MYH11: variants seen among roughly 807,000 people sequenced by gnomAD.
MYH11 encodes myosin-11.
In MYH11, 80 loss-of-function variants were observed where a neutral mutation model predicts 246.6. That is an observed-to-expected ratio of 0.32 (90% CI 0.27 to 0.39). The LOEUF (loss-of-function observed/expected upper bound fraction) is 0.39, where lower values mean the gene tolerates loss of function less well. Among genes scored for constraint, MYH11 ranks in the 10% least tolerant of loss-of-function variants. The pLI is 1.00. For missense variants in MYH11, 2,158 were observed against 2,546.8 expected, an observed-to-expected ratio of 0.85 and a Z score of 3.29; for synonymous variants, 1,071 against 1,015.5, an observed-to-expected ratio of 1.05 and a Z score of -1.04.
chr16:15,756,619 GATA>G (rs1197906799), intron 13 of MYH11, 105 bp from the exon 14 acceptor site: 467 of 1,168,876 alleles, frequency 4.0e-4, no homozygotes, highest in Non-Finnish European at 5.4e-4. Flanking sequence ...GCCGAGATCT[GATA>G]CTGTATTTGC....
chr16:15,831,994 C>T (rs2043752791), intron 2 of MYH11, among the ~76,000 whole-genome samples: 1 of 151,952 alleles, frequency 6.6e-6, no homozygotes. Flanking sequence ...GGGCAGCTTC[C>T]AGTTACAGTG....
At chr16:15,848,245 T>C (rs2044247554) in intron 1 of MYH11, among the ~76,000 whole-genome samples, 1 of 150,172 alleles carries the variant, frequency 6.7e-6, no homozygotes, top group Non-Finnish European at 1.5e-5. Flanking sequence ...TTTTTTTTTT[T>C]TTTTTGACAC....
chr16:15,727,108 G>A (rs553543017), intron 27 of MYH11, 54 bp from the exon 28 acceptor site: 282 of 1,547,702 alleles, frequency 1.8e-4, no homozygotes, highest in Non-Finnish European at 1.8e-4. Flanking sequence ...CCGGGAGAAC[G>A]TTTCAGGCCC....
chr16:15,717,533 G>A (rs1037434660), intron 37 of MYH11, 185 bp from the exon 38 acceptor site: 19 of 629,794 alleles, frequency 3.0e-5, no homozygotes, highest in South Asian at 3.9e-5. Flanking sequence ...GGTGGCGCAC[G>A]CCTGTAATCC....
chr16:15,771,777 G>C lies in MYH11; in HGVS notation c.890-65C>G, dbSNP rs797003958. ...ACTTCTAATTTCAACATGAGACCGA[G>C]ATCTGGTCAAGGGTCTGGGCCATCA... On this transcript the variant is annotated intron_variant, in intron 8 of 40. Coordinates refer to ENST00000300036, the MANE Select transcript of MYH11 (RefSeq NM_002474.3). 1.9e-6 allele frequency: 3 copies of C among 1,591,724 alleles called. No homozygotes were observed. The African/African-American group carries it at 4.0e-5, about 21-fold the overall frequency.
intron 4 of MYH11, among the ~76,000 whole-genome samples, chr16:15,794,771 G>C (rs2042704615): frequency 6.6e-6 from 1 of 152,138 alleles, no homozygotes; most frequent in Non-Finnish European, 1.5e-5. Flanking sequence ...GGCCAGGCAG[G>C]GCAAACAGTA....
At chr16:15,847,138 T>C (rs1212102293) in intron 1 of MYH11, among the ~76,000 whole-genome samples, 1 of 152,142 alleles carries the variant, frequency 6.6e-6, no homozygotes, top group Non-Finnish European at 1.5e-5. Flanking sequence ...TATATTGATA[T>C]TCTTGTGCAA....
At chr16:15,853,857 T>C (rs983100636) in intron 1 of MYH11, among the ~76,000 whole-genome samples, 1 of 152,068 alleles carries the variant, frequency 6.6e-6, no homozygotes, top group South Asian at 2.1e-4. Context: ...ACCCCATCTC[T>C]ACTAAAAATA....
At chr16:15,736,924 G>C (rs1006503799) in intron 25 of MYH11, among the ~76,000 whole-genome samples, 1 of 152,150 alleles carries the variant, frequency 6.6e-6, no homozygotes, top group Non-Finnish European at 1.5e-5. Context: ...CTAAGAGCCA[G>C]GAAGAGGGAA....
intron 8 of MYH11, among the ~76,000 whole-genome samples, chr16:15,773,410 G>A (rs1038020916): frequency 4.0e-5 from 6 of 150,202 alleles, no homozygotes; most frequent in South Asian, 2.1e-4. Flanking sequence ...CCTGCCTCTC[G>A]AGTAGCTGGG....
intron 2 of MYH11, among the ~76,000 whole-genome samples, chr16:15,824,237 A>G (rs2633505): frequency 0.45 from 68,530 of 151,514 alleles, 16,335 homozygotes; most frequent in African/African-American, 0.61. Flanking sequence ...CAGTGACGGG[A>G]GCAGTTAAGT....
At chr16:15,766,533 G>A (rs145544389) in intron 9 of MYH11, among the ~76,000 whole-genome samples, 8 of 152,114 alleles carry the variant, frequency 5.3e-5, no homozygotes, top group Admixed American at 2.6e-4. Context: ...CACCACACCC[G>A]GCTAATTTTT....
In MYH11 at chr16:15,824,698, A is replaced by AGGAG. The variant is rs1321045750; in HGVS notation, c.346-1291_346-1288dup. On this transcript the variant is annotated intron_variant, in intron 2 of 40. Transcript: ENST00000300036. Reference sequence around the variant, plus strand: ...AACACAGCTGCCAAAACTGTGGTCCAGGAGGGAGGGAGGAAAAGGTAATAA... The same window carrying AGGAG: ...AACACAGCTGCCAAAACTGTGGTCCAGGAGGGAGGGAGGGAGGAAAAGGTAATAA... Among the ~76,000 whole-genome samples, 11 of 152,358 alleles carry AGGAG rather than the reference A, an allele frequency of 7.2e-5. No homozygotes were observed. In the East Asian group the frequency reaches 1.9e-3, roughly 27 times the overall value.
chr16:15,784,724 G>A lies in MYH11; in HGVS notation c.633+1906C>T, dbSNP rs775895834. ...TAGGCAAAAGATGGGCCTTGCTGTG[G>A]TTGAACAACACAGTATAAAACAAAT... On this transcript the variant is annotated intron_variant, in intron 5 of 40. Coordinates refer to ENST00000300036, the MANE Select transcript of MYH11 (RefSeq NM_002474.3). 5.0e-5 allele frequency: 80 copies of A among 1,613,742 alleles called. No individual in the cohort carries two copies. In the South Asian group the frequency reaches 8.3e-4, roughly 17 times the overall value.
intron 2 of MYH11, among the ~76,000 whole-genome samples, chr16:15,834,275 C>T (rs2043830517): frequency 1.3e-5 from 2 of 151,998 alleles, no homozygotes; most frequent in African/African-American, 2.4e-5. Context: ...GCCTGTGATC[C>T]TAGCACTTTG....
intron 40 of MYH11, among the ~76,000 whole-genome samples, chr16:15,705,972 G>A (rs1310870393): frequency 4.5e-5 from 3 of 66,236 alleles, no homozygotes; most frequent in African/African-American, 2.6e-4. Context: ...GCGACAGGGT[G>A]AGACTCCGTC....
At chr16:15,856,390 C>T (rs1444932365) in intron 1 of MYH11, among the ~76,000 whole-genome samples, 1 of 150,668 alleles carries the variant, frequency 6.6e-6, no homozygotes, top group African/African-American at 2.4e-5. Flanking sequence ...GTGTTTTTAA[C>T]TGATTTAATG....
At chr16:15,855,087 C>T (rs1299408619) in intron 1 of MYH11, among the ~76,000 whole-genome samples, 2 of 152,030 alleles carry the variant, frequency 1.3e-5, no homozygotes, top group Admixed American at 6.6e-5. Flanking sequence ...TGCCCTCCCA[C>T]GGAAAAGTAA....
At chr16:15,795,892 G>A (rs2042732358) in intron 4 of MYH11, among the ~76,000 whole-genome samples, 2 of 152,168 alleles carry the variant, frequency 1.3e-5, no homozygotes, top group African/African-American at 4.8e-5. Flanking sequence ...CTAACTAGAC[G>A]ATGATGGGGC....
Sources: allele counts gnomAD v4.1 joint callset (sites outside exome capture counted in the v4.1 genomes callset), GRCh38; gene constraint gnomAD v4.1.1; transcripts MANE v1.5; gene names NCBI Gene and HGNC (gene_info 2026-07-23, HGNC 2026-07-21).